Variants in PLCB1 observed in about 807,000 individuals in gnomAD.
The protein encoded by PLCB1 is phospholipase C beta 1.
PLCB1 carries 46 observed loss-of-function variants against 161.8 expected under a neutral mutation model. The observed-to-expected ratio is 0.28, with a 90% CI of 0.22 to 0.36. The LOEUF is 0.36. PLCB1 is among the 10% of genes least tolerant of loss of function. The pLI, the probability that PLCB1 is intolerant of heterozygous loss-of-function variation, is 1.00. For missense variants in PLCB1, 1,016 were observed against 1,472.5 expected (o/e 0.69, Z 5.07); for synonymous variants, 517 against 503.7 (o/e 1.03, Z -0.35).
chr20:8,341,731 A>C (rs1985817010), intron 2 of PLCB1, among the ~76,000 whole-genome samples: 1 of 152,220 alleles, frequency 6.6e-6, no homozygotes, highest in South Asian at 2.1e-4. Context: ...TTCATGTGGA[A>C]GTTTGTAACA....
At chr20:8,643,742 GCCCTCTCCCTCTCCCTCT>G (rs199565985) in intron 4 of PLCB1, among the ~76,000 whole-genome samples, 50 of 101,854 alleles carry the variant, frequency 4.9e-4, no homozygotes, top group African/African-American at 1.9e-3. Context: ...ACAAAAAATA[GCCCTCTCCCTCTCCCTCT>G]CCCTCTCCCT....
intron 2 of PLCB1, among the ~76,000 whole-genome samples, chr20:8,286,776 G>C (rs796108448): frequency 6.6e-6 from 1 of 152,108 alleles, no homozygotes; most frequent in East Asian, 1.9e-4. Flanking sequence ...ATTAAAGAGA[G>C]GATCTCCTTA....
At chr20:8,368,013 T>A (rs1986773096) in intron 2 of PLCB1, among the ~76,000 whole-genome samples, 1 of 152,110 alleles carries the variant, frequency 6.6e-6, no homozygotes, top group Non-Finnish European at 1.5e-5. Flanking sequence ...TGCCCTGCGG[T>A]GGTTTTCATG....
chr20:8,742,467 C>A (rs1980932695), intron 23 of PLCB1, among the ~76,000 whole-genome samples: 1 of 152,022 alleles, frequency 6.6e-6, no homozygotes, highest in Non-Finnish European at 1.5e-5. Context: ...TCGAAAGCAT[C>A]CTCGATTTAT....
At chr20:8,413,674 G>A (rs1157561737) in intron 3 of PLCB1, among the ~76,000 whole-genome samples, 1 of 152,192 alleles carries the variant, frequency 6.6e-6, no homozygotes, top group Non-Finnish European at 1.5e-5. Flanking sequence ...CAAAGGTAAA[G>A]AACATCCAAT....
intron 2 of PLCB1, among the ~76,000 whole-genome samples, chr20:8,169,222 G>A (rs1279647405): frequency 6.6e-6 from 1 of 152,134 alleles, no homozygotes; most frequent in Non-Finnish European, 1.5e-5. Flanking sequence ...GGGCTGTATG[G>A]AAGTTGTTCA....
In PLCB1 at chr20:8,541,361, A is replaced by T. The variant is rs75342195; in HGVS notation, c.247-86933A>T. Among the ~76,000 whole-genome samples the T allele has an allele frequency of 1.2e-4, 19 of 152,074 alleles. No homozygotes were observed. In the East Asian group the frequency reaches 3.3e-3, roughly 26 times the overall value. On this transcript the variant is annotated intron_variant, in intron 3 of 31. Coordinates refer to ENST00000338037, the MANE Select transcript of PLCB1 (RefSeq NM_015192.4). ...AAGCCTTGGAGCAGATGAGTAACATAGTAGAAAAAAATACTTCGAGATAAC... is the reference window on the plus strand; with the variant it reads ...AAGCCTTGGAGCAGATGAGTAACATTGTAGAAAAAAATACTTCGAGATAAC...
At chr20:8,361,695 G>T (rs1986548210) in intron 2 of PLCB1, among the ~76,000 whole-genome samples, 1 of 152,102 alleles carries the variant, frequency 6.6e-6, no homozygotes, top group African/African-American at 2.4e-5. Context: ...AGTTTGCACT[G>T]CCAGTTAAAA....
chr20:8,825,711 A>G (rs1441074985), intron 31 of PLCB1, among the ~76,000 whole-genome samples: 2 of 152,206 alleles, frequency 1.3e-5, no homozygotes, highest in Non-Finnish European at 2.9e-5. Flanking sequence ...AGACTTTGAA[A>G]ATATTTTTAT....
chr20:8,415,385 G>A (rs942970045), intron 3 of PLCB1, among the ~76,000 whole-genome samples: 26 of 152,154 alleles, frequency 1.7e-4, no homozygotes, highest in Non-Finnish European at 2.8e-4. Flanking sequence ...ATAAGTGTTC[G>A]AACTAGAAAA....
chr20:8,315,191 C>G (rs1159320250), intron 2 of PLCB1, among the ~76,000 whole-genome samples: 1 of 152,120 alleles, frequency 6.6e-6, no homozygotes, highest in Non-Finnish European at 1.5e-5. Flanking sequence ...AAGCTGGCTC[C>G]TTCGTCATGG....
At chr20:8,453,891 C>G (rs1351606236) in intron 3 of PLCB1, among the ~76,000 whole-genome samples, 1 of 152,118 alleles carries the variant, frequency 6.6e-6, no homozygotes, top group East Asian at 1.9e-4. Flanking sequence ...GAAAATAAGG[C>G]CTCTAAAGAA....
chr20:8,270,706 G>A (rs1038768091), intron 2 of PLCB1, among the ~76,000 whole-genome samples: 3 of 151,994 alleles, frequency 2.0e-5, no homozygotes, highest in African/African-American at 7.2e-5. Flanking sequence ...TCATTCTTTG[G>A]TATTTATTCT....
intron 2 of PLCB1, among the ~76,000 whole-genome samples, chr20:8,305,508 A>C (rs1420753593): frequency 6.6e-6 from 1 of 152,122 alleles, no homozygotes; most frequent in Non-Finnish European, 1.5e-5. Flanking sequence ...TGGAGTTCCC[A>C]TTTTGCAAAC....
intron 3 of PLCB1, among the ~76,000 whole-genome samples, chr20:8,372,694 G>A (rs1353437140): frequency 6.6e-6 from 1 of 152,058 alleles, no homozygotes; most frequent in Non-Finnish European, 1.5e-5. Context: ...ATTCAAAATT[G>A]CTCACAGTTT....
chr20:8,338,259 G>A (rs547328342), intron 2 of PLCB1, among the ~76,000 whole-genome samples: 15 of 152,102 alleles, frequency 9.9e-5, no homozygotes, highest in Admixed American at 2.6e-4. Context: ...ATTATTCACG[G>A]AGTTTTGCAC....
intron 9 of PLCB1, among the ~76,000 whole-genome samples, chr20:8,673,968 C>T (rs929073424): frequency 4.6e-5 from 7 of 152,012 alleles, no homozygotes; most frequent in Non-Finnish European, 1.5e-5. Context: ...GCGCAGTTGG[C>T]CAAAGAGTAT....
At chr20:8,487,753 A>G (rs1233821756) in intron 3 of PLCB1, among the ~76,000 whole-genome samples, 1 of 152,174 alleles carries the variant, frequency 6.6e-6, no homozygotes, top group Non-Finnish European at 1.5e-5. Flanking sequence ...CAATGAAATT[A>G]TTCATAACAG....
chr20:8,388,782 G>A (rs567040745), intron 3 of PLCB1, among the ~76,000 whole-genome samples: 1 of 152,114 alleles, frequency 6.6e-6, no homozygotes, highest in Admixed American at 6.6e-5. Context: ...TGTGTGTGAT[G>A]GTTTTGACAG....
Sources: allele counts gnomAD v4.1 joint callset (sites outside exome capture counted in the v4.1 genomes callset), GRCh38; gene constraint gnomAD v4.1.1; transcripts MANE v1.5; gene names NCBI Gene and HGNC (gene_info 2026-07-23, HGNC 2026-07-21).